Variants in KCNMA1 observed in about 807,000 individuals in gnomAD.
KCNMA1 encodes the protein potassium calcium-activated channel subfamily M alpha 1.
Under a neutral mutation model 140.0 loss-of-function variants are expected in KCNMA1, and 29 were observed. The observed-to-expected ratio is 0.21, with a 90% confidence interval of 0.15 to 0.28. KCNMA1 has a LOEUF of 0.28. KCNMA1 is among the 10% of genes least tolerant of loss of function. KCNMA1 has a pLI of 1.00. For synonymous variants in KCNMA1, 612 were observed against 611.9 expected (o/e 1.00, Z 0.00); for missense variants, 880 against 1,602.2 (o/e 0.55, Z 7.70).
At chr10:77,035,863 G>T (rs1180279778) in intron 15 of KCNMA1, among the ~76,000 whole-genome samples, 1 of 152,204 alleles carries the variant, frequency 6.6e-6, no homozygotes, top group East Asian at 1.9e-4. Flanking sequence ...TTTCAGAGAA[G>T]GAGATTGGAG....
intron 23 of KCNMA1, among the ~76,000 whole-genome samples, chr10:76,918,809 A>G (rs1475820027): frequency 1.3e-5 from 2 of 152,116 alleles, no homozygotes; most frequent in Non-Finnish European, 2.9e-5. Context: ...TAGCAGCACA[A>G]TTCACAATTG....
At chr10:76,908,692 C>T (rs554939296) in intron 25 of KCNMA1, among the ~76,000 whole-genome samples, 2 of 152,298 alleles carry the variant, frequency 1.3e-5, no homozygotes, top group Admixed American at 6.5e-5. Flanking sequence ...TGTGTAAAAA[C>T]TCTGAGTTCT....
intron 18 of KCNMA1, among the ~76,000 whole-genome samples, chr10:77,006,146 A>G (rs1014084120): frequency 3.3e-5 from 5 of 152,194 alleles, no homozygotes; most frequent in African/African-American, 1.2e-4. Flanking sequence ...CCAATTTCCA[A>G]TGCAGAATCT....
At chr10:77,166,630 G>C (rs1352665347) in intron 5 of KCNMA1, among the ~76,000 whole-genome samples, 1 of 152,028 alleles carries the variant, frequency 6.6e-6, no homozygotes, top group Non-Finnish European at 1.5e-5. Flanking sequence ...AAAGGAGAAG[G>C]AGGGAGAGGG....
intron 23 of KCNMA1, among the ~76,000 whole-genome samples, chr10:76,943,892 T>C (rs1002503195): frequency 2.0e-5 from 3 of 152,124 alleles, no homozygotes; most frequent in African/African-American, 7.2e-5. Context: ...CATATCCCAG[T>C]AGCCATAGCT....
chr10:77,362,344 T>TCC (rs1220056300), intron 2 of KCNMA1, among the ~76,000 whole-genome samples: 3 of 29,072 alleles, frequency 1.0e-4, no homozygotes, highest in African/African-American at 4.1e-4. Context: ...CCACCCCCTA[T>TCC]CCCCCCCCAC....
At chr10:77,082,026 T>C (rs1306629967) in intron 12 of KCNMA1, among the ~76,000 whole-genome samples, 1 of 81,190 alleles carries the variant, frequency 1.2e-5, no homozygotes, top group African/African-American at 4.9e-5. Context: ...TTTTTTTTTT[T>C]TTTTTTTTTT....
chr10:77,410,687 C>A lies in KCNMA1; in HGVS notation c.379-6664G>T, dbSNP rs1051130583. ...AGCCCCACTCGTGCCTGTCATCCTG[C>A]GAGTCTGCCGCTCACTAGCTCCACT... On this transcript the variant is annotated intron_variant, in intron 1 of 27. Coordinates refer to ENST00000286628, the MANE Select transcript of KCNMA1 (RefSeq NM_001161352.2). Among the ~76,000 whole-genome samples, 5 of 152,344 alleles carry A rather than the reference C, an allele frequency of 3.3e-5. No individual in the cohort carries two copies. In the East Asian group the frequency reaches 5.8e-4, roughly 18 times the overall value.
At chr10:76,995,091 T>C (rs1331965449) in intron 19 of KCNMA1, among the ~76,000 whole-genome samples, 1 of 152,164 alleles carries the variant, frequency 6.6e-6, no homozygotes, top group Non-Finnish European at 1.5e-5. Context: ...AGACACGTGA[T>C]AGCAATCAAC....
intron 23 of KCNMA1, among the ~76,000 whole-genome samples, chr10:76,929,802 A>T (rs1309092440): frequency 6.6e-6 from 1 of 152,220 alleles, no homozygotes; most frequent in Non-Finnish European, 1.5e-5. Flanking sequence ...AGGTTGAAAA[A>T]CAGTGGGCTA....
At chr10:76,889,278 T>G (rs2038839949) in intron 27 of KCNMA1, among the ~76,000 whole-genome samples, 173 bp downstream of exon 27, 1 of 152,178 alleles carries the variant, frequency 6.6e-6, no homozygotes, top group African/African-American at 2.4e-5. Flanking sequence ...CTATTAGTAA[T>G]TATAGAAAAA....
At chr10:77,597,047 A>G (rs1420947170) in intron 1 of KCNMA1, among the ~76,000 whole-genome samples, 1 of 152,228 alleles carries the variant, frequency 6.6e-6, no homozygotes, top group African/African-American at 2.4e-5. Context: ...TATTCTATAT[A>G]GACATACACC....
In KCNMA1 at chr10:77,108,602, A is replaced by G; in HGVS notation, c.1132-30T>C. 1.9e-6 allele frequency: 3 copies of G among 1,560,798 alleles called. No individual in the cohort carries two copies. The highest frequency in any genetic ancestry group is 2.6e-6 in the Non-Finnish European group (3 of 1,133,426). On this transcript the variant is annotated intron_variant, in intron 8 of 27. Transcript: ENST00000286628. The surrounding 1 kb of genome is among the most constrained non-coding windows in gnomAD (Gnocchi z 4.6). ...GAAGATAGGAGACAGAAGAGAGACT[A>G]AAAAGACAGGCCAAAGAAAAGGGGG...
intron 2 of KCNMA1, chr10:77,376,456 G>C (rs182923029): frequency 6.6e-6 from 1 of 152,116 alleles, no homozygotes; most frequent in Non-Finnish European, 1.5e-5. Context: ...GAATGGCTGC[G>C]ATGGAGATAA....
chr10:76,880,081 G>A (rs2034004556), downstream of KCNMA1, among the ~76,000 whole-genome samples: 1 of 152,170 alleles, frequency 6.6e-6, no homozygotes, highest in Non-Finnish European at 1.5e-5. Flanking sequence ...TCAGCTGATG[G>A]AAATGAGTAG....
intron 3 of KCNMA1, among the ~76,000 whole-genome samples, chr10:77,233,192 G>A (rs1014881545): frequency 6.6e-6 from 1 of 152,116 alleles, no homozygotes; most frequent in African/African-American, 2.4e-5. Context: ...ATAAAAACTG[G>A]ATGTATTTCT....
intron 23 of KCNMA1, chr10:76,929,971 T>C (rs2058845860): frequency 6.6e-6 from 1 of 152,114 alleles, no homozygotes; most frequent in Non-Finnish European, 1.5e-5. Context: ...TTACAGCATA[T>C]ACAAAAATCA....
chr10:77,003,022 G>A (rs1403815437), intron 18 of KCNMA1, among the ~76,000 whole-genome samples: 1 of 152,130 alleles, frequency 6.6e-6, no homozygotes, highest in Non-Finnish European at 1.5e-5. Flanking sequence ...CAGTCACCAG[G>A]AAGAGGGGTT....
At chr10:77,367,015 T>C (rs184397590) in intron 2 of KCNMA1, among the ~76,000 whole-genome samples, 1 of 152,338 alleles carries the variant, frequency 6.6e-6, no homozygotes, top group Admixed American at 6.5e-5. Context: ...AAAGCCTGTG[T>C]TCCTAGGGAG....
Sources: allele counts gnomAD v4.1 joint callset (sites outside exome capture counted in the v4.1 genomes callset), GRCh38; gene constraint gnomAD v4.1.1; non-coding constraint Gnocchi (gnomAD v3.1); transcripts MANE v1.5; gene names NCBI Gene and HGNC (gene_info 2026-07-23, HGNC 2026-07-21).